The following MORC1 variants were observed in gnomAD, a reference collection of about 807,000 sequenced individuals.
MORC1 encodes the protein MORC family CW-type zinc finger 1, also known as MORC family CW-type zinc finger protein 1.
A neutral mutation model predicts 134.9 loss-of-function variants in MORC1; 59 were observed. That is an observed-to-expected ratio of 0.44 (90% CI 0.35 to 0.54). The LOEUF (loss-of-function observed/expected upper bound fraction) is 0.54, where lower values mean the gene tolerates loss of function less well. Ranked by LOEUF, MORC1 falls within the 20% of genes least tolerant of loss-of-function variation. The probability of loss-of-function intolerance (pLI) is 0.00; values close to 1 mark genes in which losing one functional copy is unlikely to be tolerated. For missense variants in MORC1, 947 were observed against 1,134.5 expected (o/e 0.83, Z 2.37); for synonymous variants, 395 against 391.7 (o/e 1.01, Z -0.10).
intron 14 of MORC1, among the ~76,000 whole-genome samples, chr3:109,039,338 G>C (rs190112033): frequency 6.6e-6 from 1 of 152,274 alleles, no homozygotes; most frequent in East Asian, 1.9e-4. Flanking sequence ...ATAGTTGTGG[G>C]CAAGCCACTA....
chr3:109,049,897 C>T (rs182662693), intron 14 of MORC1, among the ~76,000 whole-genome samples: 64 of 152,154 alleles, frequency 4.2e-4, no homozygotes, highest in African/African-American at 1.4e-3. Context: ...AATACTAGGA[C>T]GGTAAATATA....
chr3:108,988,135 T>TA (rs1392472008), intron 21 of MORC1, among the ~76,000 whole-genome samples: 2 of 151,936 alleles, frequency 1.3e-5, no homozygotes, highest in African/African-American at 4.8e-5. Flanking sequence ...TCCCAGGAAA[T>TA]AAAGGAGTAT....
chr3:109,038,616 A>T (rs1229467366), intron 14 of MORC1, among the ~76,000 whole-genome samples: 3 of 152,126 alleles, frequency 2.0e-5, no homozygotes, highest in Admixed American at 1.3e-4. Context: ...ATTTTTGTAA[A>T]GGGTGTAAGG....
Position 109,093,499 on chromosome 3 carries a change from C to G in MORC1, c.626G>C (p.Gly209Ala). Residue 209 changes from glycine to alanine, a missense_variant, in exon 8 of 28, where the codon GGA becomes GCA. By Grantham distance (60) the Gly-to-Ala change is moderately conservative. Around this residue, in one of 3 missense-constraint regions of MORC1, gnomAD observed 214 missense variants for 281.3 expected, o/e 0.76. Coordinates refer to ENST00000232603, the MANE Select transcript of MORC1 (RefSeq NM_014429.4). ...AGTTTTAACATCCAACTCTGGTTCT[C>G]CATTAAGCAGAAGCTTCAAGTTATA... The part of the protein sequence containing the change: ...VIYNLKLLLN[G>A]EPELDVKTDK... 6.2e-7 allele frequency: 1 copy of G among 1,613,844 alleles called. No homozygotes were observed. Among genetic ancestry groups the G allele is most frequent in the Non-Finnish European group, 8.5e-7 (1 of 1,179,800 alleles).
chr3:109,056,572 T>TA (rs1051216876), intron 13 of MORC1, among the ~76,000 whole-genome samples: 10 of 152,334 alleles, frequency 6.6e-5, no homozygotes, highest in Non-Finnish European at 1.5e-4. Flanking sequence ...TCATACAATA[T>TA]AAAAAATATG....
rs144196433 is a variant in MORC1, at chr3:109,009,918, A to G, written c.1705-2827T>C. Among the ~76,000 whole-genome samples the G allele has an allele frequency of 3.9e-5, 6 of 152,252 alleles. No individual in the cohort carries two copies. In the East Asian group the frequency reaches 1.2e-3, roughly 29 times the overall value. ...TTACTCTGTTTTCCCTGGGTATTCA[A>G]ATTGTTCAAATATTGTGTCTCCTTC... On this transcript the variant is annotated intron_variant, in intron 17 of 27. Transcript: ENST00000232603.
chr3:108,971,777 A>G (rs999902311), intron 24 of MORC1, among the ~76,000 whole-genome samples: 5 of 150,518 alleles, frequency 3.3e-5, no homozygotes, highest in Non-Finnish European at 5.9e-5. Flanking sequence ...ACATACATTT[A>G]TCTCAAAATA....
intron 23 of MORC1, among the ~76,000 whole-genome samples, chr3:108,984,128 G>A (rs1489193158): frequency 1.3e-5 from 2 of 152,100 alleles, no homozygotes; most frequent in Non-Finnish European, 2.9e-5. Context: ...AATTCAGTGT[G>A]CTCCTATGCA....
chr3:109,043,462 T>C (rs1352605684), intron 14 of MORC1, among the ~76,000 whole-genome samples: 2 of 152,142 alleles, frequency 1.3e-5, no homozygotes, highest in East Asian at 1.9e-4. Context: ...TTGTGCAAGA[T>C]GAAAAGAGTT....
Position 109,025,713 on chromosome 3 carries a change from C to T in MORC1, c.1704+2038G>A, listed in dbSNP as rs547663333. The stretch of plus-strand genomic sequence containing the variant: ...ATATAACTTTCTTTGATTGAAGCTG[C>T]CCTCACTATCTCCTGCAGTAAACTT... On this transcript the variant is annotated intron_variant, in intron 17 of 27. Coordinates refer to ENST00000232603, the MANE Select transcript of MORC1 (RefSeq NM_014429.4). Among the ~76,000 whole-genome samples, 16 of 152,236 alleles carry T rather than the reference C, an allele frequency of 1.1e-4. No homozygotes were observed. In the East Asian group the frequency reaches 3.1e-3, roughly 29 times the overall value.
At chr3:109,065,666 A>G (rs928879418) in intron 9 of MORC1, among the ~76,000 whole-genome samples, 1 of 152,210 alleles carries the variant, frequency 6.6e-6, no homozygotes, top group Non-Finnish European at 1.5e-5. Context: ...GGACCTATGC[A>G]ATGGCCTTTG....
rs1178443024 is a variant in MORC1, at chr3:109,063,678, AATTACT to A, written c.816-453_816-448del. Among the ~76,000 whole-genome samples, 114 of 152,178 alleles carry A rather than the reference AATTACT, an allele frequency of 7.5e-4. 5 individuals are homozygous for A. The highest frequency in any genetic ancestry group is 1.6e-4 in the Non-Finnish European group (11 of 68,006). On this transcript the variant is annotated intron_variant, in intron 9 of 27. Transcript: ENST00000232603. ...AAACACACATTCATGTATCATTTTA[AATTACT>A]AAAAGCACATTTTCTGCTTTACTGA... is the stretch of plus-strand genomic sequence containing the variant.
intron 16 of MORC1, 93 bp from the exon 17 acceptor site, chr3:109,027,982 C>T (rs1384490316): frequency 7.4e-7 from 1 of 1,353,736 alleles, no homozygotes; most frequent in African/African-American, 1.5e-5. Context: ...AGGAGTTACT[C>T]TTTATGTCAT....
At chr3:108,977,776 A>C (rs930022436) in intron 24 of MORC1, among the ~76,000 whole-genome samples, 1 of 152,218 alleles carries the variant, frequency 6.6e-6, no homozygotes, top group African/African-American at 2.4e-5. Flanking sequence ...CACTTCTAGA[A>C]AAATACAGGC....
chr3:109,107,999 C>T (rs1471946516), intron 3 of MORC1, among the ~76,000 whole-genome samples: 1 of 152,076 alleles, frequency 6.6e-6, no homozygotes, highest in Non-Finnish European at 1.5e-5. Flanking sequence ...GAGTTTGAGA[C>T]CAGCCTGGCC....
chr3:108,965,165 A>T (rs917034175), intron 26 of MORC1, among the ~76,000 whole-genome samples: 2 of 152,226 alleles, frequency 1.3e-5, no homozygotes, highest in African/African-American at 4.8e-5. Flanking sequence ...AGAACTCCAG[A>T]ATTTTATAGC....
At chr3:109,026,400 G>C (rs1391567472) in intron 17 of MORC1, among the ~76,000 whole-genome samples, 1 of 152,048 alleles carries the variant, frequency 6.6e-6, no homozygotes, top group Admixed American at 6.6e-5. Context: ...CAGAACTGTT[G>C]GCCCAAATCT....
intron 9 of MORC1, among the ~76,000 whole-genome samples, chr3:109,066,274 T>C (rs995276638): frequency 7.3e-5 from 11 of 151,520 alleles, no homozygotes; most frequent in Non-Finnish European, 1.3e-4. Context: ...AGAGCAGGAA[T>C]TTTCTCTTTT....
chr3:108,986,198 G>A (rs1331525765), intron 22 of MORC1, among the ~76,000 whole-genome samples: 2 of 151,952 alleles, frequency 1.3e-5, no homozygotes, highest in Admixed American at 1.3e-4. Context: ...TGGGTCCAAT[G>A]GTATAATATC....
Sources: allele counts gnomAD v4.1 joint callset (sites outside exome capture counted in the v4.1 genomes callset), GRCh38; gene constraint gnomAD v4.1.1; regional missense constraint gnomAD v4.1.1; transcripts MANE v1.5; gene names NCBI Gene and HGNC (gene_info 2026-07-23, HGNC 2026-07-21).